Variants in UNC5D observed in about 807,000 individuals in gnomAD.
The protein encoded by UNC5D is netrin receptor UNC5D.
Under a neutral mutation model 105.4 loss-of-function variants are expected in UNC5D, and 39 were observed. That is an observed-to-expected ratio of 0.37 (90% confidence interval 0.29 to 0.48). The LOEUF is 0.48. UNC5D is among the 20% of genes least tolerant of loss of function. The pLI is 0.98. For missense variants in UNC5D, 991 were observed against 1,202.4 expected (o/e 0.82, Z 2.60); for synonymous variants, 452 against 450.4 (o/e 1.00, Z -0.04).
intron 1 of UNC5D, among the ~76,000 whole-genome samples, chr8:35,357,741 G>A (rs1300362553): frequency 6.6e-6 from 1 of 152,112 alleles, no homozygotes; most frequent in East Asian, 1.9e-4. Flanking sequence ...AGAATCAGTT[G>A]TGGGAATAAG....
intron 1 of UNC5D, among the ~76,000 whole-genome samples, chr8:35,444,399 T>C (rs1057206368): frequency 3.3e-5 from 5 of 152,222 alleles, no homozygotes; most frequent in Middle Eastern, 3.4e-3. Context: ...GCAGACTTCT[T>C]TTCTTTCTTT....
intron 4 of UNC5D, among the ~76,000 whole-genome samples, chr8:35,611,282 A>T (rs1820663059): frequency 6.6e-6 from 1 of 152,072 alleles, no homozygotes; most frequent in African/African-American, 2.4e-5. Context: ...ACCTCTCCCA[A>T]ACATTGCCCT....
At chr8:35,515,166 T>C (rs1813027004) in intron 1 of UNC5D, among the ~76,000 whole-genome samples, 1 of 152,220 alleles carries the variant, frequency 6.6e-6, no homozygotes, top group African/African-American at 2.4e-5. Flanking sequence ...TGTTTTCTTG[T>C]ATTCGGCAAA....
intron 1 of UNC5D, among the ~76,000 whole-genome samples, chr8:35,442,902 T>TCACACACACACA: frequency 7.6e-6 from 1 of 131,706 alleles, no homozygotes; most frequent in African/African-American, 3.1e-5. Context: ...TCTCTCTCTC[T>TCACACACACACA]CTCACACACA....
chr8:35,518,416 A>C (rs1440749792), intron 1 of UNC5D, among the ~76,000 whole-genome samples: 1 of 152,156 alleles, frequency 6.6e-6, no homozygotes, highest in Non-Finnish European at 1.5e-5. Flanking sequence ...ATTTATGAAA[A>C]TAGAACCCTA....
intron 7 of UNC5D, among the ~76,000 whole-genome samples, chr8:35,694,059 A>G (rs544918162): frequency 1.3e-5 from 2 of 152,328 alleles, no homozygotes; most frequent in African/African-American, 2.4e-5. Context: ...AAACAAACAC[A>G]TAAGAACGAG....
intron 1 of UNC5D, among the ~76,000 whole-genome samples, chr8:35,285,441 A>T (rs376058257): frequency 6.6e-6 from 1 of 152,192 alleles, no homozygotes; most frequent in African/African-American, 2.4e-5. Flanking sequence ...GCTTTGCATA[A>T]GTTCAATTTC....
intron 4 of UNC5D, among the ~76,000 whole-genome samples, chr8:35,624,114 C>T (rs1219289491): frequency 1.3e-5 from 2 of 152,032 alleles, no homozygotes; most frequent in Non-Finnish European, 2.9e-5. Context: ...CTTATTTTTC[C>T]TGTTTCTCTA....
intron 7 of UNC5D, among the ~76,000 whole-genome samples, chr8:35,688,718 T>G (rs1380624932): frequency 2.0e-5 from 3 of 152,196 alleles, no homozygotes; most frequent in Non-Finnish European, 4.4e-5. Context: ...GCTTCTCACC[T>G]CTCTTGAATA....
intron 1 of UNC5D, among the ~76,000 whole-genome samples, chr8:35,280,551 T>G (rs1273745743): frequency 6.6e-6 from 1 of 152,198 alleles, no homozygotes; most frequent in Non-Finnish European, 1.5e-5. Flanking sequence ...TTATTGTTGG[T>G]GGGGTCGTTA....
chr8:35,311,322 T>G (rs561494491), intron 1 of UNC5D, among the ~76,000 whole-genome samples: 1 of 152,246 alleles, frequency 6.6e-6, no homozygotes, highest in East Asian at 1.9e-4. Context: ...TGGAAGATGT[T>G]TTTTTTCAGA....
At chr8:35,442,219 C>T (rs1215519612) in intron 1 of UNC5D, among the ~76,000 whole-genome samples, 1 of 151,818 alleles carries the variant, frequency 6.6e-6, no homozygotes, top group Non-Finnish European at 1.5e-5. Flanking sequence ...GTGAGAGTTA[C>T]ATGTGTCTTC....
intron 1 of UNC5D, among the ~76,000 whole-genome samples, chr8:35,545,855 C>G (rs1004910876): frequency 1.3e-5 from 2 of 151,824 alleles, no homozygotes; most frequent in South Asian, 2.1e-4. Flanking sequence ...TACATTCCAC[C>G]CTTTTTCTCA....
Position 35,487,594 on chromosome 8 carries a change from C to CACACACACACA in UNC5D, c.104-61698_104-61697insACACACACACA, listed in dbSNP as rs1554542234. 4.4e-3 allele frequency among the ~76,000 whole-genome samples: 653 copies of CACACACACACA among 146,838 alleles called. 2 individuals carry two copies. Among genetic ancestry groups the CACACACACACA allele is most frequent in the East Asian group, 0.026 (136 of 5,156 alleles). ...ACACACACACACACACACACACACA[C>CACACACACACA]CCCACAGACTGTTAGTTTTAGTTCT... is the stretch of plus-strand genomic sequence containing the variant. On this transcript the variant is annotated intron_variant, in intron 1 of 16. Transcript: ENST00000404895.
rs187812101 is a variant in UNC5D, at chr8:35,593,950, C to T, written c.467-1604C>T. Among the ~76,000 whole-genome samples, 64 of 152,254 alleles carry T rather than the reference C, an allele frequency of 4.2e-4. No homozygotes were observed. The East Asian group carries it at 6.0e-3, about 14-fold the overall frequency. On this transcript the variant is annotated intron_variant, in intron 3 of 16. Coordinates refer to ENST00000404895, the MANE Select transcript of UNC5D (RefSeq NM_080872.4). ...CAGCAGAGGAGAATTGTGTGGGAAGCGTGAGATTTTTCATTCTGGGTTTAT... is the reference window on the plus strand; with the variant it reads ...CAGCAGAGGAGAATTGTGTGGGAAGTGTGAGATTTTTCATTCTGGGTTTAT...
intron 3 of UNC5D, among the ~76,000 whole-genome samples, chr8:35,574,375 T>G (rs957419667): frequency 6.6e-6 from 1 of 152,212 alleles, no homozygotes; most frequent in African/African-American, 2.4e-5. Context: ...TTTGTTTGTT[T>G]GTTTTTTAAT....
intron 4 of UNC5D, among the ~76,000 whole-genome samples, chr8:35,676,179 G>C (rs548379783): frequency 5.9e-5 from 9 of 152,092 alleles, no homozygotes; most frequent in Non-Finnish European, 8.8e-5. Context: ...AAATCTAATT[G>C]TCTTTGATGT....
chr8:35,243,376 A>G (rs1472712416), intron 1 of UNC5D, among the ~76,000 whole-genome samples: 2 of 152,178 alleles, frequency 1.3e-5, no homozygotes, highest in Non-Finnish European at 2.9e-5. Flanking sequence ...ATGCTGCTCC[A>G]GTTTCACAAT....
chr8:35,617,230 G>A (rs992380832), intron 4 of UNC5D, among the ~76,000 whole-genome samples: 1 of 152,166 alleles, frequency 6.6e-6, no homozygotes, highest in African/African-American at 2.4e-5. Context: ...ATTGCTCTGT[G>A]TATCATCTGT....
Sources: allele counts gnomAD v4.1 joint callset (sites outside exome capture counted in the v4.1 genomes callset), GRCh38; gene constraint gnomAD v4.1.1; transcripts MANE v1.5; gene names NCBI Gene and HGNC (gene_info 2026-07-23, HGNC 2026-07-21).